Variants in CYP24A1 observed in about 807,000 individuals in gnomAD.
CYP24A1 encodes the protein cytochrome P450 family 24 subfamily A member 1.
In CYP24A1, 68 loss-of-function variants were observed where a neutral mutation model predicts 62.4. The observed-to-expected ratio is 1.09, with a 90% CI of 0.90 to 1.33. CYP24A1 has a LOEUF of 1.33. CYP24A1 is among the 40% of genes most tolerant of loss of function. The pLI, the probability that CYP24A1 is intolerant of heterozygous loss-of-function variation, is 0.00. For synonymous variants in CYP24A1, 267 were observed against 253.0 expected (o/e 1.06, Z -0.52); for missense variants, 787 against 653.0 (o/e 1.21, Z -2.24).
chr20:54,153,746 C>G lies in CYP24A1; in HGVS notation c.*1026G>C, dbSNP rs971872187. The G allele has an allele frequency of 6.6e-6, 1 of 152,550 alleles. No homozygotes were observed. Among genetic ancestry groups the G allele is most frequent in the Non-Finnish European group, 1.5e-5 (1 of 68,026 alleles). The allele number at this position is 152,550 out of a possible 1,614,324, so 9.4% of individuals were successfully genotyped here. ...CCATCTGTAAACACAATTTTTAAGTCTTATAAGTATTGCATGCATTTCTGT... is the reference window on the plus strand; with the variant it reads ...CCATCTGTAAACACAATTTTTAAGTGTTATAAGTATTGCATGCATTTCTGT... On this transcript the variant is annotated 3_prime_UTR_variant, in exon 12 of 12. Coordinates refer to ENST00000216862, the MANE Select transcript of CYP24A1 (RefSeq NM_000782.5).
rs2092616765 is a variant in CYP24A1 at position 54,153,614 on chromosome 20, C to G, written c.*1158G>C. ...AATATAAAGACATAAATGTATATTT[C>G]TGAAATATTCTAAAAATATAATGTA... is the stretch of plus-strand genomic sequence containing the variant. On this transcript the variant is annotated 3_prime_UTR_variant, in exon 12 of 12. Coordinates refer to ENST00000216862, the MANE Select transcript of CYP24A1 (RefSeq NM_000782.5). The G allele has an allele frequency of 6.6e-6, 1 of 152,468 alleles. No homozygotes were observed. The highest frequency in any genetic ancestry group is 2.1e-4 in the South Asian group (1 of 4,828). 9.4% of individuals were successfully genotyped at this position (152,468 alleles called of 1,614,324 possible). A position where few individuals can be genotyped will look rare whatever the true frequency, so the allele number is the denominator to read the frequency against.
In CYP24A1 at chr20:54,171,576, C is replaced by G. The variant is rs1030068298; in HGVS notation, c.543+1G>C. On this transcript the variant is annotated splice_donor_variant, in intron 3 of 11. Transcript: ENST00000216862. LOFTEE classifies it high-confidence loss of function. ...AGGAAAGCTGGCCCCAGCCTGCAGA[C>G]CTCATTGATTTTGTTGTCCAGCTTC... is the stretch of plus-strand genomic sequence containing the variant. 8.7e-6 allele frequency: 14 copies of G among 1,613,908 alleles called. No individual in the cohort carries two copies. Among genetic ancestry groups the G allele is most frequent in the Non-Finnish European group, 1.2e-5 (14 of 1,179,866 alleles).
intron 7 of CYP24A1, among the ~76,000 whole-genome samples, chr20:54,161,164 A>G (rs1023520007): frequency 1.3e-5 from 2 of 152,222 alleles, no homozygotes; most frequent in African/African-American, 4.8e-5. Flanking sequence ...AGCTCTGACC[A>G]CATTTACTAG....
rs2092700556 is a variant in CYP24A1 at position 54,173,156 on chromosome 20, C to T, written c.259-57G>A. 3 of 1,582,482 alleles carry T rather than the reference C, an allele frequency of 1.9e-6. No homozygotes were observed. The highest frequency in any genetic ancestry group is 1.7e-5 in the Admixed American group (1 of 59,772). Reference sequence around the variant, plus strand: ...CGCGCATCCTCCGCCGTGCCCGAAGCGCTTTCCCTCCTCCCGCCTCCTTCC... The same window carrying T: ...CGCGCATCCTCCGCCGTGCCCGAAGTGCTTTCCCTCCTCCCGCCTCCTTCC... On this transcript the variant is annotated intron_variant, in intron 1 of 11. Coordinates refer to ENST00000216862, the MANE Select transcript of CYP24A1 (RefSeq NM_000782.5). This position sits in a 1 kb window ranked among gnomAD's most constrained non-coding sequence, Gnocchi z 7.2.
chr20:54,158,541 G>A lies in CYP24A1; in HGVS notation c.1158-377C>T, dbSNP rs533254084. On this transcript the variant is annotated intron_variant, in intron 8 of 11. Coordinates refer to ENST00000216862, the MANE Select transcript of CYP24A1 (RefSeq NM_000782.5). Reference sequence around the variant, plus strand: ...TCCTTCTAATCCTAAAATGTTGTGAGTTTTGTTTTCCCAAAAGGATGTAAA... The same window carrying A: ...TCCTTCTAATCCTAAAATGTTGTGAATTTTGTTTTCCCAAAAGGATGTAAA... Among the ~76,000 whole-genome samples, 576 of 152,168 alleles carry A rather than the reference G, an allele frequency of 3.8e-3. 6 individuals carry two copies. Among genetic ancestry groups the A allele is most frequent in the African/African-American group, 0.013 (555 of 41,522 alleles).
chr20:54,172,935 G>A lies in CYP24A1; in HGVS notation c.423C>T (p.Arg141=), dbSNP rs2092698978. ...GGATCAGCAGCCCGTAGCCTTCTTTGCGGTAGTCGCGATAGGCCTTCCACG... is the reference window on the plus strand; with the variant it reads ...GGATCAGCAGCCCGTAGCCTTCTTTACGGTAGTCGCGATAGGCCTTCCACG... The part of the protein sequence containing the change: ...IKPWKAYRDY[R]KEGYGLLILE... The change falls in exon 2 of 12, where the codon CGC becomes CGT. Residue 141 remains arginine (R), a synonymous_variant. Coordinates refer to ENST00000216862, the MANE Select transcript of CYP24A1 (RefSeq NM_000782.5). 2 of 1,613,672 alleles carry A rather than the reference G, an allele frequency of 1.2e-6. No homozygotes were observed. Among genetic ancestry groups the A allele is most frequent in the African/African-American group, 2.7e-5 (2 of 74,912 alleles).
In CYP24A1 at chr20:54,157,505, A is replaced by G. The variant is rs762452922; in HGVS notation, c.1317T>C (p.Arg439=). 4.4e-6 allele frequency: 7 copies of G among 1,596,962 alleles called. No homozygotes were observed. In the South Asian group the frequency reaches 5.5e-5, roughly 13 times the overall value. ...FEDSSQFRPE[R]WLQEKEKINP... ...TAATTTTTTCCTTCTCCTGAAGCCAACGTTCAGGTCTAAACTGACTTGAAT... is the reference window on the plus strand; with the variant it reads ...TAATTTTTTCCTTCTCCTGAAGCCAGCGTTCAGGTCTAAACTGACTTGAAT... Residue 439 remains arginine (R), a synonymous_variant, in exon 10 of 12, where the codon CGT becomes CGC. Transcript: ENST00000216862.
downstream of CYP24A1, among the ~76,000 whole-genome samples, chr20:54,148,842 C>G (rs2092608387): frequency 6.6e-6 from 1 of 152,186 alleles, no homozygotes; most frequent in Non-Finnish European, 1.5e-5. Flanking sequence ...TTCCTGACAG[C>G]ACGACTGTAA....
downstream of CYP24A1, among the ~76,000 whole-genome samples, chr20:54,152,766 C>T (rs895549235): frequency 2.0e-5 from 3 of 152,006 alleles, no homozygotes; most frequent in Admixed American, 1.3e-4. Context: ...ATTGCAGAAT[C>T]GGATCTTTAC....
At position 54,173,211 on chromosome 20, in the gene CYP24A1, A is replaced by G; in HGVS notation, c.258+111T>C. On this transcript the variant is annotated intron_variant, in intron 1 of 11. Coordinates refer to ENST00000216862, the MANE Select transcript of CYP24A1 (RefSeq NM_000782.5). This position sits in a 1 kb window ranked among gnomAD's most constrained non-coding sequence, Gnocchi z 7.2. ...AGGGGACCGGGGACCCTCCCTGCCC[A>G]GACGCCGAAGCGCACCATGCGCCCG... 1 of 1,517,922 alleles carries G rather than the reference A, an allele frequency of 6.6e-7. No homozygotes were observed. The highest frequency in any genetic ancestry group is 9.1e-7 in the Non-Finnish European group (1 of 1,103,110). The allele number at this position is 1,517,922 out of a possible 1,614,324, so 94.0% of individuals were successfully genotyped here.
downstream of CYP24A1, among the ~76,000 whole-genome samples, chr20:54,152,416 C>T (rs959729798): frequency 7.9e-5 from 12 of 152,228 alleles, no homozygotes; most frequent in African/African-American, 2.9e-4. Flanking sequence ...TTCCCTTCCT[C>T]ATCCTGCTGT....
intron 7 of CYP24A1, among the ~76,000 whole-genome samples, chr20:54,160,344 G>T (rs1338837812): frequency 1.3e-5 from 2 of 152,220 alleles, no homozygotes; most frequent in African/African-American, 4.8e-5. Flanking sequence ...TTCACCACTA[G>T]TAGTCATATG....
chr20:54,164,662 C>T, intron 5 of CYP24A1, 99 bp from the exon 6 acceptor site: 1 of 1,601,018 alleles, frequency 6.2e-7, no homozygotes, highest in South Asian at 1.1e-5. Context: ...GCACCCTGCA[C>T]TTTTTAAAAG....
Position 54,164,472 on chromosome 20 carries a change from C to G in CYP24A1, c.824G>C (p.Trp275Ser). Reference sequence around the variant, plus strand: ...TTTACCTGATTTGAAAATGGTGTCCCAGGCCAGAGTGTGGTCCTGCCAGAC... The same window carrying G: ...TTTACCTGATTTGAAAATGGTGTCCGAGGCCAGAGTGTGGTCCTGCCAGAC... ...TKVWQDHTLA[W>S]DTIFKSVKAC... The change falls in exon 6 of 12, where the codon TGG becomes TCG. Residue 275 changes from tryptophan to serine, a missense_variant. Trp to Ser is a radical substitution (Grantham distance 177). Coordinates refer to ENST00000216862, the MANE Select transcript of CYP24A1 (RefSeq NM_000782.5). 4 of 1,614,144 alleles carry G rather than the reference C, an allele frequency of 2.5e-6. No homozygotes were observed. The highest frequency in any genetic ancestry group is 3.4e-6 in the Non-Finnish European group (4 of 1,180,030).
At chr20:54,165,663 G>C in intron 5 of CYP24A1, 79 bp downstream of exon 5, 1 of 854,200 alleles carries the variant, frequency 1.2e-6, no homozygotes, top group Non-Finnish European at 2.0e-6. Flanking sequence ...CCATTTTTTG[G>C]GAATCACTGT....
intron 4 of CYP24A1, among the ~76,000 whole-genome samples, chr20:54,166,846 A>G (rs568465058): frequency 6.6e-6 from 1 of 152,306 alleles, no homozygotes; most frequent in Admixed American, 6.5e-5. Flanking sequence ...AGCCTGGGCA[A>G]CATGGCAAAA....
intron 4 of CYP24A1, among the ~76,000 whole-genome samples, chr20:54,166,773 T>C (rs1369722087): frequency 6.6e-6 from 1 of 152,118 alleles, no homozygotes; most frequent in East Asian, 1.9e-4. Context: ...GGTTCACACC[T>C]GTAATCCCAA....
Position 54,153,815 on chromosome 20 carries a change from T to A in CYP24A1, c.*957A>T, listed in dbSNP as rs745693216. ...ATCATATTTTTCCTAGGAGTTCAAA[T>A]CACAAAACAAATGTTATATAACAGA... is the stretch of plus-strand genomic sequence containing the variant. On this transcript the variant is annotated 3_prime_UTR_variant, in exon 12 of 12. Transcript: ENST00000216862. 6.6e-6 allele frequency: 1 copy of A among 152,618 alleles called. No homozygotes were observed. The highest frequency in any genetic ancestry group is 1.5e-5 in the Non-Finnish European group (1 of 68,012). The allele number at this position is 152,618 out of a possible 1,614,324, so 9.5% of individuals were successfully genotyped here.
At position 54,172,902 on chromosome 20, in the gene CYP24A1, G is replaced by A. The variant is rs747100687; in HGVS notation, c.449+7C>T. ...CCGCATGCCCAGGTCCCTCGGATTG[G>A]ACTCACAGGATCAGCAGCCCGTAGC... On this transcript the variant is annotated splice_region_variant and intron_variant, in intron 2 of 11. Transcript: ENST00000216862. The A allele has an allele frequency of 2.0e-5, 32 of 1,613,496 alleles. No homozygotes were observed. The highest frequency in any genetic ancestry group is 4.0e-5 in the African/African-American group (3 of 74,910).
Sources: allele counts gnomAD v4.1 joint callset (sites outside exome capture counted in the v4.1 genomes callset), GRCh38; gene constraint gnomAD v4.1.1; non-coding constraint Gnocchi (gnomAD v3.1); transcripts MANE v1.5; gene names NCBI Gene and HGNC (gene_info 2026-07-23, HGNC 2026-07-21).